SULF2: variants seen among roughly 807,000 people sequenced by gnomAD.
SULF2 encodes extracellular sulfatase Sulf-2.
SULF2 carries 52 observed loss-of-function variants against 107.7 expected under a neutral mutation model. The observed-to-expected ratio is 0.48, with a 90% CI of 0.39 to 0.61. The LOEUF is 0.61. Among genes scored for constraint, SULF2 ranks in the 20% least tolerant of loss-of-function variants. The probability of loss-of-function intolerance (pLI) is 0.00; values close to 1 mark genes in which losing one functional copy is unlikely to be tolerated. For synonymous variants in SULF2, 460 were observed against 464.3 expected, an observed-to-expected ratio of 0.99 and a Z score of 0.12; for missense variants, 993 against 1,177.3, an observed-to-expected ratio of 0.84 and a Z score of 2.29.
intron 3 of SULF2, among the ~76,000 whole-genome samples, chr20:47,705,357 CTCTGAG>C (rs1241293995): frequency 6.6e-6 from 1 of 152,198 alleles, no homozygotes; most frequent in Non-Finnish European, 1.5e-5. Flanking sequence ...CGGCTGCAGT[CTCTGAG>C]TCTGAGTCAT....
At position 47,665,888 on chromosome 20, in the gene SULF2, C is replaced by G; in HGVS notation, c.1871G>C (p.Trp624Ser). 6.2e-7 allele frequency: 1 copy of G among 1,614,086 alleles called. No individual in the cohort carries two copies. The highest frequency in any genetic ancestry group is 8.5e-7 in the Non-Finnish European group (1 of 1,180,024). ...GTCGATGTGCAGCTTGTGGTCTTTC[C>G]AGGCCTGCAGGGACTTGTACAGGTC... is the stretch of plus-strand genomic sequence containing the variant. ...DLDLYKSLQAWKDHKLHIDHE... is the reference protein window; with the variant it reads ...DLDLYKSLQASKDHKLHIDHE... The change falls in exon 13 of 21, where the codon TGG (tryptophan) becomes TCG (serine). Residue 624 changes from tryptophan to serine, a missense_variant. Trp to Ser is a radical substitution (Grantham distance 177, BLOSUM62 -3). Around this residue, in one of 3 missense-constraint regions of SULF2, gnomAD observed 497 missense variants for 544.1 expected, o/e 0.91. Coordinates refer to ENST00000688720, the MANE Select transcript of SULF2 (RefSeq NM_001387048.1).
intron 3 of SULF2, among the ~76,000 whole-genome samples, chr20:47,736,362 A>G (rs1007994661): frequency 6.6e-6 from 1 of 152,216 alleles, no homozygotes; most frequent in African/African-American, 2.4e-5. Flanking sequence ...GAAGTCAACG[A>G]AACAGTCCCT....
At chr20:47,742,120 C>T (rs981731220) in intron 2 of SULF2, among the ~76,000 whole-genome samples, 2 of 152,212 alleles carry the variant, frequency 1.3e-5, no homozygotes, top group African/African-American at 4.8e-5. Context: ...ATGTGCTAAG[C>T]CTCCCCTTGG....
chr20:47,776,933 G>A (rs896684961), intron 1 of SULF2, among the ~76,000 whole-genome samples: 7 of 152,142 alleles, frequency 4.6e-5, no homozygotes, highest in African/African-American at 1.7e-4. Flanking sequence ...AGCCAGATGT[G>A]CCTGTAGCTC....
chr20:47,706,375 CTTTCCTGTA>C (rs376859436), intron 3 of SULF2: 93 of 152,298 alleles, frequency 6.1e-4, no homozygotes, highest in African/African-American at 2.1e-3. Flanking sequence ...GTCACCAAAC[CTTTCCTGTA>C]AAAGCCAGAT....
intron 7 of SULF2, among the ~76,000 whole-genome samples, chr20:47,679,650 G>A (rs1417950058): frequency 1.3e-5 from 2 of 152,186 alleles, no homozygotes; most frequent in Non-Finnish European, 2.9e-5. Context: ...GGACGCAGAT[G>A]CTCCCCAGTC....
intron 3 of SULF2, among the ~76,000 whole-genome samples, chr20:47,716,756 G>A (rs1352667784): frequency 6.6e-6 from 1 of 152,170 alleles, no homozygotes. Flanking sequence ...AGCACTTCGG[G>A]AGGCCAAGGC....
At position 47,702,969 on chromosome 20, in the gene SULF2, G is replaced by A. The variant is rs552925809; in HGVS notation, c.416-299C>T. ...CTTGCTCTGTTACCCAGGCTGGAGT[G>A]CAATGGTACGATCTTGGCTCATTGC... On this transcript the variant is annotated intron_variant, in intron 3 of 20. Coordinates refer to ENST00000688720, the MANE Select transcript of SULF2 (RefSeq NM_001387048.1). Among the ~76,000 whole-genome samples, 19 of 152,312 alleles carry A rather than the reference G, an allele frequency of 1.2e-4. 3 individuals are homozygous for A. Among genetic ancestry groups the A allele is most frequent in the African/African-American group, 4.6e-4 (19 of 41,566 alleles).
chr20:47,710,941 A>G (rs1231209946), intron 3 of SULF2, among the ~76,000 whole-genome samples: 3 of 152,140 alleles, frequency 2.0e-5, no homozygotes, highest in Non-Finnish European at 4.4e-5. Context: ...CCAGCCCCAA[A>G]TCTAACTGAA....
chr20:47,729,135 T>C (rs1231254972), intron 3 of SULF2, among the ~76,000 whole-genome samples: 1 of 152,116 alleles, frequency 6.6e-6, no homozygotes. Flanking sequence ...TGCAGACGTG[T>C]AGAAGTTTTG....
chr20:47,687,967 G>T (rs1250675522), intron 5 of SULF2, among the ~76,000 whole-genome samples: 1 of 151,976 alleles, frequency 6.6e-6, no homozygotes, highest in Non-Finnish European at 1.5e-5. Flanking sequence ...ATGTCTTTGT[G>T]TGCCTGTGTG....
At chr20:47,668,102 A>G (rs1468549993) in intron 11 of SULF2, among the ~76,000 whole-genome samples, 1 of 152,204 alleles carries the variant, frequency 6.6e-6, no homozygotes, top group African/African-American at 2.4e-5. Flanking sequence ...TGTGCCAAGC[A>G]GGTCCTGCCC....
intron 2 of SULF2, among the ~76,000 whole-genome samples, chr20:47,754,371 C>T (rs1362447658): frequency 1.3e-5 from 2 of 152,224 alleles, no homozygotes; most frequent in Admixed American, 1.3e-4. Context: ...CCAGTTGTAG[C>T]AGAGACTGTG....
intron 6 of SULF2, 65 bp from the exon 7 acceptor site, chr20:47,683,234 G>T: frequency 1.4e-6 from 2 of 1,478,796 alleles, no homozygotes; most frequent in Non-Finnish European, 1.8e-6. Flanking sequence ...TCCGACCCGG[G>T]GTGACAGGCG....
At chr20:47,668,879 T>A (rs1449987308) in intron 11 of SULF2, among the ~76,000 whole-genome samples, 1 of 152,188 alleles carries the variant, frequency 6.6e-6, no homozygotes, top group Non-Finnish European at 1.5e-5. Context: ...TGACTGGGAC[T>A]CACCGCCCTG....
intron 1 of SULF2, among the ~76,000 whole-genome samples, chr20:47,782,018 ACTT>A (rs2090841753): frequency 6.6e-6 from 1 of 152,202 alleles, no homozygotes; most frequent in African/African-American, 2.4e-5. Flanking sequence ...CAGTAAGTCC[ACTT>A]CTTTTCTCCT....
At chr20:47,778,569 A>C (rs2090765771) in intron 1 of SULF2, among the ~76,000 whole-genome samples, 1 of 152,244 alleles carries the variant, frequency 6.6e-6, no homozygotes, top group African/African-American at 2.4e-5. Context: ...AGAAGCTCTG[A>C]AGGCCATGCC....
At chr20:47,676,378 G>A in intron 10 of SULF2, 116 bp downstream of exon 10, 1 of 1,182,766 alleles carries the variant, frequency 8.5e-7, no homozygotes, top group Non-Finnish European at 1.2e-6. Context: ...CGGCAGCAAA[G>A]GACTACCCGT....
At chr20:47,780,973 T>C (rs2090822771) in intron 1 of SULF2, among the ~76,000 whole-genome samples, 1 of 152,240 alleles carries the variant, frequency 6.6e-6, no homozygotes, top group South Asian at 2.1e-4. Flanking sequence ...CATGACATAT[T>C]GGTCATGCCC....
Sources: gnomAD v4.1 joint callset for allele counts (sites outside exome capture counted in the v4.1 genomes callset) on GRCh38, gnomAD v4.1.1 for gene constraint, gnomAD v4.1.1 regional missense constraint, MANE v1.5 for transcripts, NCBI Gene and HGNC (gene_info 2026-07-23, HGNC 2026-07-21) for gene names.